Variants in PCDHGA1 observed in about 807,000 individuals in gnomAD.
The protein encoded by PCDHGA1 is protocadherin gamma-A1.
A neutral mutation model predicts 58.0 loss-of-function variants in PCDHGA1; 32 were observed. The ratio of observed to expected loss-of-function variants is 0.55; its 90% CI spans 0.42 to 0.74. The LOEUF (loss-of-function observed/expected upper bound fraction) is 0.74. Among genes scored for constraint, PCDHGA1 ranks in the 30% least tolerant of loss-of-function variants. The pLI is 0.00. For missense variants in PCDHGA1, 1,205 were observed against 1,182.3 expected, an observed-to-expected ratio of 1.02 and a Z score of -0.28; for synonymous variants, 498 against 501.1, an observed-to-expected ratio of 0.99 and a Z score of 0.08.
At chr5:141,368,708 A>G (rs933358136) in intron 1 of PCDHGA1, among the ~76,000 whole-genome samples, 1 of 152,210 alleles carries the variant, frequency 6.6e-6, no homozygotes, top group Admixed American at 6.5e-5. Context: ...CTTGATCCAT[A>G]CATTTTGAAT....
intron 1 of PCDHGA1, chr5:141,375,109 T>C (rs199796645): frequency 4.0e-5 from 65 of 1,613,834 alleles, no homozygotes; most frequent in Non-Finnish European, 5.3e-5. Flanking sequence ...ATGTCAATGA[T>C]AATGTACCAG....
chr5:141,390,118 C>G, intron 1 of PCDHGA1: 2 of 1,614,036 alleles, frequency 1.2e-6, no homozygotes, highest in Non-Finnish European at 1.7e-6. Context: ...AGCGAGGGGA[C>G]TTTGCCTTAT....
chr5:141,506,162 C>T (rs1448735916), intron 3 of PCDHGA1, among the ~76,000 whole-genome samples: 1 of 152,124 alleles, frequency 6.6e-6, no homozygotes, highest in Non-Finnish European at 1.5e-5. Flanking sequence ...CTTAAGAGCA[C>T]AGCCTAAGCT....
At chr5:141,403,786 A>G (rs1317253233) in intron 1 of PCDHGA1, 1 of 1,613,848 alleles carries the variant, frequency 6.2e-7, no homozygotes, top group African/African-American at 1.3e-5. Flanking sequence ...GAAAAGTGGC[A>G]TACAAATTCT....
chr5:141,364,399 G>C (rs747286948), intron 1 of PCDHGA1: 2 of 1,607,328 alleles, frequency 1.2e-6, no homozygotes, highest in Non-Finnish European at 1.7e-6. Flanking sequence ...TGGGGACGCT[G>C]TGCGAGCCAG....
At chr5:141,472,412 G>C (rs1283620276) in intron 1 of PCDHGA1, among the ~76,000 whole-genome samples, 1 of 152,058 alleles carries the variant, frequency 6.6e-6, no homozygotes, top group Non-Finnish European at 1.5e-5. Context: ...GTGGTGGCAC[G>C]CACCTGTATC....
intron 1 of PCDHGA1, chr5:141,478,463 G>A: frequency 6.2e-7 from 1 of 1,613,424 alleles, no homozygotes; most frequent in South Asian, 1.1e-5. Context: ...CAGTCCACTG[G>A]CCAGCCGCCA....
At chr5:141,387,732 C>A (rs940812767) in intron 1 of PCDHGA1, 15 of 1,279,330 alleles carry the variant, frequency 1.2e-5, no homozygotes, top group South Asian at 1.6e-5. Context: ...CAGCGCCAGC[C>A]TTTACACCGC....
intron 2 of PCDHGA1, among the ~76,000 whole-genome samples, chr5:141,501,331 ACACC>A (rs747366952): frequency 1.4e-5 from 2 of 138,844 alleles, no homozygotes; most frequent in Non-Finnish European, 3.2e-5. Context: ...ACACACACAC[ACACC>A]CCAAACTCAA....
chr5:141,421,342 G>A (rs199737254), intron 1 of PCDHGA1: 25 of 1,613,872 alleles, frequency 1.5e-5, no homozygotes, highest in Non-Finnish European at 1.9e-5. Context: ...GGTGCCAGAA[G>A]AGACCGAAAA....
At chr5:141,393,289 AC>A in intron 1 of PCDHGA1, 2 of 1,613,936 alleles carry the variant, frequency 1.2e-6, no homozygotes, top group Non-Finnish European at 1.7e-6. Flanking sequence ...GAAGCTGTTG[AC>A]CCGGATGTGG....
intron 1 of PCDHGA1, chr5:141,393,026 G>A (rs1215893899): frequency 1.2e-6 from 2 of 1,613,832 alleles, no homozygotes; most frequent in East Asian, 4.5e-5. Context: ...CCAGAGGTAG[G>A]ACGCAGCTCT....
At chr5:141,405,062 T>C in intron 1 of PCDHGA1, 1 of 1,613,918 alleles carries the variant, frequency 6.2e-7, no homozygotes, top group Non-Finnish European at 8.5e-7. Flanking sequence ...CTCCTGTGTC[T>C]TCCTCACCTT....
intron 1 of PCDHGA1, among the ~76,000 whole-genome samples, chr5:141,337,856 A>G (rs1024888916): frequency 4.6e-5 from 7 of 152,210 alleles, no homozygotes; most frequent in Admixed American, 4.6e-4. Flanking sequence ...AAAGAACTTG[A>G]CAACCTCAAA....
intron 1 of PCDHGA1, chr5:141,374,140 C>T: frequency 6.2e-7 from 1 of 1,609,666 alleles, no homozygotes; most frequent in South Asian, 1.1e-5. Flanking sequence ...TCCTCACGCT[C>T]CTGGGGACGC....
Position 141,486,534 on chromosome 5 carries a change from C to G in PCDHGA1, c.2422-8273C>G. The stretch of plus-strand genomic sequence containing the variant: ...TCAGATGTGAATGATAATCCACCCT[C>G]TTTCTTTCAGAGGTCACATGAGGTG... On this transcript the variant is annotated intron_variant, in intron 1 of 3. Transcript: ENST00000517417. The surrounding 1 kb of genome is among the most constrained non-coding windows in gnomAD (Gnocchi z 5.0). 1 of 1,614,176 alleles carries G rather than the reference C, an allele frequency of 6.2e-7. No individual in the cohort carries two copies. Among genetic ancestry groups the G allele is most frequent in the Non-Finnish European group, 8.5e-7 (1 of 1,180,030 alleles).
intron 1 of PCDHGA1, chr5:141,422,008 C>T (rs767148055): frequency 1.2e-5 from 20 of 1,609,502 alleles, no homozygotes; most frequent in Admixed American, 5.1e-5. Context: ...CTCCGGAACT[C>T]GGGTGCTGAT....
At chr5:141,369,990 A>G (rs773924073) in intron 1 of PCDHGA1, among the ~76,000 whole-genome samples, 2 of 152,236 alleles carry the variant, frequency 1.3e-5, no homozygotes, top group Non-Finnish European at 2.9e-5. Context: ...TTGGATGGAT[A>G]AAGCTCAAAT....
intron 1 of PCDHGA1, chr5:141,383,821 G>T: frequency 1.2e-6 from 2 of 1,613,922 alleles, no homozygotes; most frequent in Non-Finnish European, 1.7e-6. Context: ...AGAAGGATTA[G>T]ATTATGAAGA....
Sources: gnomAD v4.1 joint callset for allele counts (sites outside exome capture counted in the v4.1 genomes callset) on GRCh38, gnomAD v4.1.1 for gene constraint, Gnocchi (gnomAD v3.1) non-coding constraint, MANE v1.5 for transcripts, NCBI Gene and HGNC (gene_info 2026-07-23, HGNC 2026-07-21) for gene names.